Variants in HDAC9 observed in about 807,000 individuals in gnomAD.
The protein encoded by HDAC9 is MEF-2 interacting transcription repressor (MITR) protein.
Under a neutral mutation model 139.4 loss-of-function variants are expected in HDAC9, and 41 were observed. The observed-to-expected ratio is 0.29, with a 90% CI of 0.23 to 0.38. The LOEUF is 0.38. Among genes scored for constraint, HDAC9 ranks in the 10% least tolerant of loss-of-function variants. The pLI is 1.00. For synonymous variants in HDAC9, 517 were observed against 476.2 expected (o/e 1.09, Z -1.12); for missense variants, 1,147 against 1,297.0 (o/e 0.88, Z 1.78).
At chr7:18,551,667 C>G (rs1179480378) in intron 2 of HDAC9, among the ~76,000 whole-genome samples, 2 of 152,094 alleles carry the variant, frequency 1.3e-5, no homozygotes, top group Non-Finnish European at 2.9e-5. Context: ...TATTTTTATT[C>G]TATTTTTATA....
intron 1 of HDAC9, among the ~76,000 whole-genome samples, chr7:18,392,548 G>A (rs992299330): frequency 5.3e-5 from 8 of 151,988 alleles, no homozygotes; most frequent in African/African-American, 1.9e-4. Context: ...ATAATTATTA[G>A]CTTAAATCCT....
At chr7:18,574,685 C>G (rs1302798413) in intron 2 of HDAC9, among the ~76,000 whole-genome samples, 3 of 152,240 alleles carry the variant, frequency 2.0e-5, no homozygotes, top group African/African-American at 7.2e-5. Context: ...CTCTTTGGTG[C>G]CCAAGTCCAA....
intron 5 of HDAC9, 115 bp from the exon 6 acceptor site, chr7:18,593,793 G>T: frequency 9.3e-7 from 1 of 1,076,828 alleles, no homozygotes; most frequent in South Asian, 1.4e-5. Context: ...ATACACTAAG[G>T]AGAAAGAGCA....
intron 1 of HDAC9, among the ~76,000 whole-genome samples, chr7:18,467,054 T>G (rs1187837680): frequency 6.6e-6 from 1 of 152,222 alleles, no homozygotes; most frequent in Non-Finnish European, 1.5e-5. Context: ...ATCTGTTATC[T>G]GCCCACAAGA....
chr7:18,971,349 G>C (rs1276071253), intron 24 of HDAC9, among the ~76,000 whole-genome samples: 1 of 152,186 alleles, frequency 6.6e-6, no homozygotes, highest in Non-Finnish European at 1.5e-5. Context: ...TCTTTTGCCA[G>C]TTGCATAGCC....
chr7:18,430,264 C>G (rs1341837679), intron 1 of HDAC9, among the ~76,000 whole-genome samples: 11 of 152,130 alleles, frequency 7.2e-5, no homozygotes, highest in Non-Finnish European at 1.5e-4. Flanking sequence ...TGCTCTATTG[C>G]CCAGGCTGGA....
chr7:18,809,008 T>C (rs1287031653), intron 17 of HDAC9, among the ~76,000 whole-genome samples: 1 of 152,172 alleles, frequency 6.6e-6, no homozygotes. Flanking sequence ...ACCAATGGAA[T>C]AGAATGGAGA....
intron 1 of HDAC9, among the ~76,000 whole-genome samples, chr7:18,387,898 G>C (rs1786089894): frequency 6.6e-6 from 1 of 151,346 alleles, no homozygotes; most frequent in South Asian, 2.1e-4. Context: ...AACATTTTTT[G>C]TGTGTCTTAA....
chr7:18,520,218 T>C (rs901983921), intron 2 of HDAC9, among the ~76,000 whole-genome samples: 1 of 152,168 alleles, frequency 6.6e-6, no homozygotes, highest in African/African-American at 2.4e-5. Context: ...CTTCGTGATA[T>C]ACATCAAAAT....
chr7:18,845,864 C>T (rs546886858), intron 21 of HDAC9, among the ~76,000 whole-genome samples: 108 of 152,226 alleles, frequency 7.1e-4, no homozygotes, highest in Admixed American at 2.2e-3. Flanking sequence ...TCTGTGGGTG[C>T]GCATCTGCTC....
chr7:18,963,393 C>T (rs1348445708), intron 24 of HDAC9, among the ~76,000 whole-genome samples: 3 of 152,078 alleles, frequency 2.0e-5, no homozygotes, highest in Admixed American at 6.5e-5. Context: ...TTTAGACCCT[C>T]AATATATGCA....
intron 2 of HDAC9, among the ~76,000 whole-genome samples, chr7:18,210,105 TAAAG>T (rs1253893097): frequency 1.3e-5 from 2 of 152,078 alleles, no homozygotes; most frequent in Admixed American, 6.6e-5. Context: ...TCTGAAATAA[TAAAG>T]AAAGTGAAGC....
At chr7:18,443,926 ATATGTATATATATGTATGTATG>A (rs1792040250) in intron 1 of HDAC9, among the ~76,000 whole-genome samples, 1 of 151,278 alleles carries the variant, frequency 6.6e-6, no homozygotes, top group Non-Finnish European at 1.5e-5. Context: ...TGTATTATAT[ATATGTATATATATGTATGTATG>A]TATGTATATA....
At chr7:18,501,742 C>T (rs890642099) in intron 2 of HDAC9, among the ~76,000 whole-genome samples, 1 of 152,046 alleles carries the variant, frequency 6.6e-6, no homozygotes, top group South Asian at 2.1e-4. Context: ...AGCATCATAC[C>T]TCTTTACAGT....
At chr7:18,305,031 A>G (rs555237548) in intron 1 of HDAC9, among the ~76,000 whole-genome samples, 2 of 151,846 alleles carry the variant, frequency 1.3e-5, no homozygotes, top group Admixed American at 1.3e-4. Context: ...TCTTTATAGG[A>G]TAAGAAATCA....
At chr7:18,625,556 C>T (rs1002420005) in intron 6 of HDAC9, among the ~76,000 whole-genome samples, 1 of 152,114 alleles carries the variant, frequency 6.6e-6, no homozygotes. Flanking sequence ...CAGATATTGC[C>T]AAATGTCCCC....
intron 9 of HDAC9, among the ~76,000 whole-genome samples, chr7:18,645,478 G>T (rs1254684204): frequency 6.6e-6 from 1 of 152,112 alleles, no homozygotes; most frequent in African/African-American, 2.4e-5. Flanking sequence ...GTGATTCCTT[G>T]TTCTGGACTC....
rs144081915 is a variant in HDAC9, at chr7:18,165,709, G to A, written c.25+3360G>A. ...GGAAGCTGAGGTGGGAGGATTGCTC[G>A]AGCCCAGGAGGTCAAGGCTGCAGTG... On this transcript the variant is annotated intron_variant, in intron 2 of 12. Transcript: ENST00000417496. Among the ~76,000 whole-genome samples the A allele has an allele frequency of 6.6e-5, 10 of 151,670 alleles. No individual in the cohort carries two copies. In the East Asian group the frequency reaches 1.8e-3, roughly 27 times the overall value.
intron 1 of HDAC9, among the ~76,000 whole-genome samples, chr7:18,110,622 A>G (rs958398384): frequency 3.9e-5 from 6 of 152,146 alleles, no homozygotes; most frequent in African/African-American, 1.4e-4. Flanking sequence ...GCTGGGGTAA[A>G]GAGTTTGGAG....
Sources: gnomAD v4.1 joint callset for allele counts (sites outside exome capture counted in the v4.1 genomes callset) on GRCh38, gnomAD v4.1.1 for gene constraint, MANE v1.5 for transcripts, NCBI Gene and HGNC (gene_info 2026-07-23, HGNC 2026-07-21) for gene names.